The following LAMC2 variants were observed in gnomAD, a reference collection of about 807,000 sequenced individuals.
LAMC2 encodes the protein laminin subunit gamma 2, also known as laminin subunit gamma-2.
LAMC2 carries 97 observed loss-of-function variants against 140.2 expected under a neutral mutation model. The ratio of observed to expected loss-of-function variants is 0.69; its 90% CI spans 0.59 to 0.82. The LOEUF (loss-of-function observed/expected upper bound fraction) is 0.82, where lower values mean the gene tolerates loss of function less well. Ranked by LOEUF, LAMC2 falls within the 40% of genes least tolerant of loss-of-function variation. The pLI, the probability that LAMC2 is intolerant of heterozygous loss-of-function variation, is 0.00. For synonymous variants in LAMC2, 513 were observed against 540.2 expected, an observed-to-expected ratio of 0.95 and a Z score of 0.70; for missense variants, 1,402 against 1,476.1, an observed-to-expected ratio of 0.95 and a Z score of 0.82.
chr1:183,233,236 A>G (rs1659852056), intron 14 of LAMC2, among the ~76,000 whole-genome samples: 1 of 152,148 alleles, frequency 6.6e-6, no homozygotes, highest in African/African-American at 2.4e-5. Flanking sequence ...TAGTGTATGA[A>G]TGAATGGATA....
At position 183,234,380 on chromosome 1, in the gene LAMC2, C is replaced by T. The variant is rs756321686; in HGVS notation, c.2234C>T (p.Ser745Leu). 10 of 1,613,948 alleles carry T rather than the reference C, an allele frequency of 6.2e-6. No individual in the cohort carries two copies. The East Asian group carries it at 2.0e-4, about 32-fold the overall frequency. Residue 745 changes from serine to leucine, a missense_variant, in exon 15 of 23, where the codon TCA (serine) becomes TTA (leucine). Transcript: ENST00000264144. ...ASLGNTNIPA[S>L]DHYVGPNGFK... ...CTTTTCCCACAGAACATTCCTGCCTCAGACCACTACGTGGGGCCAAATGGC... is the reference window on the plus strand; with the variant it reads ...CTTTTCCCACAGAACATTCCTGCCTTAGACCACTACGTGGGGCCAAATGGC...
In LAMC2 at chr1:183,220,935, A is replaced by C; in HGVS notation, c.614A>C (p.His205Pro). 1.2e-6 allele frequency: 2 copies of C among 1,614,224 alleles called. No individual in the cohort carries two copies. The highest frequency in any genetic ancestry group is 1.7e-6 in the Non-Finnish European group (2 of 1,180,014). ...CGCAGCTCTGCAGAATACAGTGTCC[A>C]TAAGATCACCTCTACCTTTCATCAA... ...SCRSSAEYSV[H>P]KITSTFHQDV... Residue 205 changes from histidine (H) to proline (P), a missense_variant, in exon 5 of 23, where the codon CAT (histidine) becomes CCT (proline). Transcript: ENST00000264144.
chr1:183,186,340 G>A lies in LAMC2; in HGVS notation c.-13G>A. Reference sequence around the variant, plus strand: ...CTGCAGCGGAGACAGAGACTGAGCGGCCCGGCCCCGCCATGCCTGCGCTCT... The same window carrying A: ...CTGCAGCGGAGACAGAGACTGAGCGACCCGGCCCCGCCATGCCTGCGCTCT... On this transcript the variant is annotated 5_prime_UTR_variant, in exon 1 of 23. Coordinates refer to ENST00000264144, the MANE Select transcript of LAMC2 (RefSeq NM_005562.3). 2 of 1,587,892 alleles carry A rather than the reference G, an allele frequency of 1.3e-6. No homozygotes were observed.
At chr1:183,223,435 A>T in intron 7 of LAMC2, 111 bp downstream of exon 7, 1 of 1,013,090 alleles carries the variant, frequency 9.9e-7, no homozygotes, top group African/African-American at 1.6e-5. Flanking sequence ...CTTTCTGAGC[A>T]CCTTTTACGT....
At chr1:183,233,703 A>G (rs1015202117) in intron 14 of LAMC2, among the ~76,000 whole-genome samples, 7 of 152,164 alleles carry the variant, frequency 4.6e-5, no homozygotes, top group Admixed American at 2.0e-4. Flanking sequence ...TTAAATTCAT[A>G]TAAAAAATGT....
chr1:183,242,719 G>A (rs1660161942), intron 22 of LAMC2, among the ~76,000 whole-genome samples: 2 of 152,128 alleles, frequency 1.3e-5, no homozygotes, highest in African/African-American at 2.4e-5. Flanking sequence ...ATAGAAAACA[G>A]CAAGATATTT....
chr1:183,216,492 C>G (rs875793), intron 3 of LAMC2, among the ~76,000 whole-genome samples: 1 of 152,112 alleles, frequency 6.6e-6, no homozygotes, highest in Non-Finnish European at 1.5e-5. Flanking sequence ...CTTGGTTTCT[C>G]GTCACTTTCC....
chr1:183,222,216 G>A lies in LAMC2; in HGVS notation c.763+5G>A. 6.2e-7 allele frequency: 1 copy of A among 1,614,040 alleles called. No homozygotes were observed. Among genetic ancestry groups the A allele is most frequent in the South Asian group, 1.1e-5 (1 of 91,078 alleles). The stretch of plus-strand genomic sequence containing the variant: ...CTGTCTATTTTGTGGCTCCTGGTAT[G>A]TGAGGAATAATGTCTCCTATAGAGG... On this transcript the variant is annotated splice_donor_5th_base_variant and intron_variant, in intron 6 of 22. Transcript: ENST00000264144.
intron 19 of LAMC2, among the ~76,000 whole-genome samples, chr1:183,238,940 C>A (rs1660046980): frequency 6.6e-6 from 1 of 152,188 alleles, no homozygotes; most frequent in Non-Finnish European, 1.5e-5. Context: ...TTTCAGGCTT[C>A]TTCACTAAAG....
At chr1:183,212,699 C>T (rs745473152) in intron 2 of LAMC2, among the ~76,000 whole-genome samples, 1 of 152,126 alleles carries the variant, frequency 6.6e-6, no homozygotes, top group Non-Finnish European at 1.5e-5. Context: ...TGAACATTTC[C>T]ACCTTTTATA....
intron 19 of LAMC2, 129 bp downstream of exon 19, chr1:183,238,550 C>G (rs1660035968): frequency 1.5e-6 from 1 of 666,228 alleles, no homozygotes. Context: ...TAGTAAATAT[C>G]TTTCTAAAGA....
At chr1:183,195,660 G>T (rs1317167989) in intron 1 of LAMC2, among the ~76,000 whole-genome samples, 1 of 152,194 alleles carries the variant, frequency 6.6e-6, no homozygotes, top group East Asian at 1.9e-4. Context: ...ATTTGCAAAA[G>T]AAGCCTAAAT....
chr1:183,193,275 C>A (rs1658402313), intron 1 of LAMC2, among the ~76,000 whole-genome samples: 1 of 152,188 alleles, frequency 6.6e-6, no homozygotes, highest in South Asian at 2.1e-4. Flanking sequence ...GTCAGGTTAT[C>A]ATGCAGCTTG....
chr1:183,232,707 C>T lies in LAMC2; in HGVS notation c.2070C>T (p.Ser690=). 6.2e-7 allele frequency: 1 copy of T among 1,613,772 alleles called. No individual in the cohort carries two copies. Among genetic ancestry groups the T allele is most frequent in the Non-Finnish European group, 8.5e-7 (1 of 1,179,960 alleles). Residue 690 remains serine (S), a synonymous_variant, in exon 14 of 23, where the codon AGC becomes AGT. Transcript: ENST00000264144. ...QLAKVRSQEN[S]YQSRLDDLKM... is the part of the protein sequence containing the mutation. ...CCAAGGTGAGGAGCCAAGAGAACAG[C>T]TACCAGAGCCGCCTGGATGACCTCA...
At chr1:183,213,833 A>G (rs1170864924) in intron 2 of LAMC2, among the ~76,000 whole-genome samples, 3 of 150,744 alleles carry the variant, frequency 2.0e-5, no homozygotes, top group African/African-American at 7.3e-5. Flanking sequence ...TGGGAGGCCA[A>G]GGCAGGCAGA....
Position 183,244,287 on chromosome 1 carries a change from TTTATC to T in LAMC2, c.*892_*896del. 6.6e-6 allele frequency: 1 copy of T among 152,270 alleles called. No individual in the cohort carries two copies. Among genetic ancestry groups the T allele is most frequent in the East Asian group, 1.9e-4 (1 of 5,184 alleles). The allele number at this position is 152,270 out of a possible 1,614,324, so 9.4% of individuals were successfully genotyped here. A position where few individuals can be genotyped will look rare whatever the true frequency, so the allele number is the denominator to read the frequency against. On this transcript the variant is annotated 3_prime_UTR_variant, in exon 23 of 23. Transcript: ENST00000264144. ...CCAAAAATGATGCGCATCAATGTAT[TTTATC>T]TTATTTTCTCAATCTCCTCTCTCTT...
At chr1:183,238,462 G>T in intron 19 of LAMC2, 41 bp downstream of exon 19, 1 of 1,356,864 alleles carries the variant, frequency 7.4e-7, no homozygotes, top group Non-Finnish European at 1.1e-6. Context: ...TATTTTAAGT[G>T]TATAGTCATG....
At chr1:183,218,661 C>A (rs1384973728) in intron 4 of LAMC2, among the ~76,000 whole-genome samples, 173 bp downstream of exon 4, 1 of 152,036 alleles carries the variant, frequency 6.6e-6, no homozygotes, top group Non-Finnish European at 1.5e-5. Context: ...AGCAAAAACA[C>A]ACACACACAC....
intron 1 of LAMC2, among the ~76,000 whole-genome samples, chr1:183,187,609 TTAAATATATA>T (rs552979337): frequency 4.4e-4 from 67 of 152,270 alleles, no homozygotes; most frequent in African/African-American, 1.6e-3. Flanking sequence ...GTTGTATACC[TTAAATATATA>T]TAGTTTTAAA....
Sources: gnomAD v4.1 joint callset for allele counts (sites outside exome capture counted in the v4.1 genomes callset) on GRCh38, gnomAD v4.1.1 for gene constraint, MANE v1.5 for transcripts, NCBI Gene and HGNC (gene_info 2026-07-23, HGNC 2026-07-21) for gene names.